Variants in NUP85 observed in about 807,000 individuals in gnomAD.
NUP85 encodes nucleoporin 85.
A neutral mutation model predicts 92.8 loss-of-function variants in NUP85; 23 were observed. The observed-to-expected ratio is 0.25, with a 90% CI of 0.18 to 0.35. The LOEUF (loss-of-function observed/expected upper bound fraction) is 0.35, where lower values mean the gene tolerates loss of function less well. NUP85 is among the 10% of genes least tolerant of loss of function. The probability of loss-of-function intolerance (pLI) is 1.00; values close to 1 mark genes in which losing one functional copy is unlikely to be tolerated. For missense variants in NUP85, 759 were observed against 822.8 expected (o/e 0.92, Z 0.95); for synonymous variants, 314 against 306.9 (o/e 1.02, Z -0.24).
In NUP85 at chr17:75,225,324, G is replaced by C. The variant is rs575322606; in HGVS notation, c.733-18G>C. The C allele has an allele frequency of 1.2e-6, 2 of 1,614,150 alleles. No individual in the cohort carries two copies. Among genetic ancestry groups the C allele is most frequent in the Non-Finnish European group, 1.7e-6 (2 of 1,180,004 alleles). On this transcript the variant is annotated intron_variant, in intron 8 of 18. Transcript: ENST00000245544. ...GGGTGTGGATGGGATGACGTCTCAT[G>C]GCTGGTCTCTCCCTTAGCCCGGGAA...
At chr17:75,214,003 C>A (rs1054661361) in intron 5 of NUP85, among the ~76,000 whole-genome samples, 5 of 151,512 alleles carry the variant, frequency 3.3e-5, no homozygotes, top group African/African-American at 1.2e-4. Context: ...TCCCGAGTAG[C>A]TGGGCTAATT....
chr17:75,209,649 G>A (rs921367387), intron 2 of NUP85, among the ~76,000 whole-genome samples, 174 bp from the exon 3 acceptor site: 14 of 152,016 alleles, frequency 9.2e-5, no homozygotes, highest in African/African-American at 3.4e-4. Flanking sequence ...TTGCTATGTT[G>A]GCCAGCCTGG....
At chr17:75,228,259 G>C in intron 11 of NUP85, 1 of 985,416 alleles carries the variant, frequency 1.0e-6, no homozygotes, top group Non-Finnish European at 1.2e-6. Context: ...AAGAGAAAGA[G>C]AAGTACCATG....
At chr17:75,211,248 C>T (rs1010494782) in intron 3 of NUP85, among the ~76,000 whole-genome samples, 1 of 151,866 alleles carries the variant, frequency 6.6e-6, no homozygotes, top group Admixed American at 6.6e-5. Context: ...AGTGATCTGC[C>T]CACCTCAGCG....
chr17:75,235,748 T>C lies in NUP85; in HGVS notation c.*69T>C. ...TTTTTTTAAAAGAATAAATGTTGTTTTGCAAATGTAGGTTCTTAGAGTCCA... is the reference window on the plus strand; with the variant it reads ...TTTTTTTAAAAGAATAAATGTTGTTCTGCAAATGTAGGTTCTTAGAGTCCA... On this transcript the variant is annotated 3_prime_UTR_variant, in exon 19 of 19. Transcript: ENST00000245544. The C allele has an allele frequency of 8.1e-7, 1 of 1,240,732 alleles. No individual in the cohort carries two copies. The highest frequency in any genetic ancestry group is 1.2e-6 in the Non-Finnish European group (1 of 854,598). The allele number at this position is 1,240,732 out of a possible 1,614,324, so 76.9% of individuals were successfully genotyped here. A position where few individuals can be genotyped will look rare whatever the true frequency, so the allele number is the denominator to read the frequency against.
chr17:75,216,060 A>C (rs1276620069), intron 6 of NUP85, among the ~76,000 whole-genome samples: 1 of 152,188 alleles, frequency 6.6e-6, no homozygotes, highest in East Asian at 1.9e-4. Context: ...AGTACTGAGA[A>C]ATATTAAACT....
chr17:75,209,575 C>T (rs2075194726), intron 2 of NUP85, among the ~76,000 whole-genome samples: 1 of 151,500 alleles, frequency 6.6e-6, no homozygotes, highest in Non-Finnish European at 1.5e-5. Flanking sequence ...TCCTGAGTAG[C>T]TGGGAATGAA....
At chr17:75,232,991 T>C (rs932994120) in intron 15 of NUP85, 23 bp downstream of exon 15, 3 of 1,613,198 alleles carry the variant, frequency 1.9e-6, no homozygotes, top group Admixed American at 3.3e-5. Flanking sequence ...AGTGTTGGCT[T>C]CCCAGGGACT....
At position 75,231,253 on chromosome 17, in the gene NUP85, C is replaced by G; in HGVS notation, c.1095-87C>G. 8.2e-7 allele frequency: 1 copy of G among 1,219,048 alleles called. No homozygotes were observed. The highest frequency in any genetic ancestry group is 1.2e-6 in the Non-Finnish European group (1 of 825,800). 75.5% of individuals were successfully genotyped at this position (1,219,048 alleles called of 1,614,324 possible). ...GGCCCCATCTCTTTGAGGGACAGGA[C>G]ATGTGGGGTTTCTTGCTCACCCCCA... On this transcript the variant is annotated intron_variant, in intron 11 of 18. Coordinates refer to ENST00000245544, the MANE Select transcript of NUP85 (RefSeq NM_024844.5). The surrounding 1 kb of genome is among the most constrained non-coding windows in gnomAD (Gnocchi z 4.6).
At chr17:75,208,667 G>GT (rs1260804944) in intron 2 of NUP85, 47 bp downstream of exon 2, 1 of 1,048,640 alleles carries the variant, frequency 9.5e-7, no homozygotes, top group Non-Finnish European at 1.5e-6. Context: ...ACATTTGGTT[G>GT]TTTTTCTGTT....
chr17:75,207,904 C>T (rs990635550), intron 1 of NUP85, among the ~76,000 whole-genome samples: 6 of 152,002 alleles, frequency 3.9e-5, no homozygotes, highest in Non-Finnish European at 1.5e-5. Context: ...GCAGGAGAAT[C>T]ACTTGAACCC....
intron 16 of NUP85, 130 bp downstream of exon 16, chr17:75,233,288 T>C: frequency 1.5e-6 from 1 of 687,796 alleles, no homozygotes; most frequent in South Asian, 1.8e-5. Flanking sequence ...CCCAGAAACA[T>C]CCTCCGTCAT....
intron 10 of NUP85, 104 bp from the exon 11 acceptor site, chr17:75,225,947 G>A: frequency 6.3e-7 from 1 of 1,591,626 alleles, no homozygotes; most frequent in East Asian, 2.2e-5. Context: ...GGCCCTTAGT[G>A]AAAGAACAAG....
chr17:75,214,690 C>G (rs1031657812), intron 5 of NUP85, among the ~76,000 whole-genome samples: 4 of 151,966 alleles, frequency 2.6e-5, no homozygotes, highest in African/African-American at 9.7e-5. Context: ...AACTCCATCT[C>G]TACTAAAAAT....
chr17:75,217,360 C>T (rs547745456), intron 6 of NUP85, among the ~76,000 whole-genome samples: 48 of 136,044 alleles, frequency 3.5e-4, no homozygotes, highest in Admixed American at 2.0e-3. Flanking sequence ...ATTCCTGGCT[C>T]GGCTAATTTT....
rs1314303891 is a variant in NUP85 at position 75,212,228 on chromosome 17, GGTTTTTTT to G, written c.361+167_361+174del. ...CTTACTTTTTTGGTAATCATTTAGA[GGTTTTTTT>G]TTTTGTTGTTGTTTTTTTTTTTTTT... is the stretch of plus-strand genomic sequence containing the variant. On this transcript the variant is annotated intron_variant, in intron 4 of 18. Coordinates refer to ENST00000245544, the MANE Select transcript of NUP85 (RefSeq NM_024844.5). Among the ~76,000 whole-genome samples, 339 of 84,542 alleles carry G rather than the reference GGTTTTTTT, an allele frequency of 4.0e-3. 31 individuals carry two copies. Among genetic ancestry groups the G allele is most frequent in the African/African-American group, 0.015 (317 of 21,364 alleles). 55.5% of individuals were successfully genotyped at this position (84,542 alleles called of 152,430 possible).
intron 9 of NUP85, 39 bp from the exon 10 acceptor site, chr17:75,225,659 G>C: frequency 6.2e-7 from 1 of 1,611,848 alleles, no homozygotes; most frequent in Non-Finnish European, 8.5e-7. Flanking sequence ...AGGTACCCCT[G>C]AGAGGAGGAC....
rs771144534 is a variant in NUP85 at position 75,234,657 on chromosome 17, C to T, written c.1636C>T (p.Arg546Cys). ...CATAGGAAAGTATCGCGAGTTCCACCGTATGTACGGGGAGAAGCGTTTTGC... is the reference window on the plus strand; with the variant it reads ...CATAGGAAAGTATCGCGAGTTCCACTGTATGTACGGGGAGAAGCGTTTTGC... ...TFLGKYREFH[R>C]MYGEKRFADA... Residue 546 changes from arginine (R) to cysteine (C), a missense_variant, in exon 17 of 19, where the codon CGT (arginine) becomes TGT (cysteine). Transcript: ENST00000245544. 5.0e-6 allele frequency: 8 copies of T among 1,614,076 alleles called. No individual in the cohort carries two copies. Among genetic ancestry groups the T allele is most frequent in the African/African-American group, 2.7e-5 (2 of 74,930 alleles).
Position 75,225,339 on chromosome 17 carries a change from T to C in NUP85, c.733-3T>C. On this transcript the variant is annotated splice_polypyrimidine_tract_variant and splice_region_variant and intron_variant, in intron 8 of 18. Coordinates refer to ENST00000245544, the MANE Select transcript of NUP85 (RefSeq NM_024844.5). Reference sequence around the variant, plus strand: ...GACGTCTCATGGCTGGTCTCTCCCTTAGCCCGGGAACACCCAGACACTGAC... The same window carrying C: ...GACGTCTCATGGCTGGTCTCTCCCTCAGCCCGGGAACACCCAGACACTGAC... The C allele has an allele frequency of 6.2e-7, 1 of 1,614,164 alleles. No individual in the cohort carries two copies. Among genetic ancestry groups the C allele is most frequent in the Non-Finnish European group, 8.5e-7 (1 of 1,180,020 alleles).
Sources: allele counts gnomAD v4.1 joint callset (sites outside exome capture counted in the v4.1 genomes callset), GRCh38; gene constraint gnomAD v4.1.1; non-coding constraint Gnocchi (gnomAD v3.1); transcripts MANE v1.5; gene names NCBI Gene and HGNC (gene_info 2026-07-23, HGNC 2026-07-21).